BSPH1: variants seen among roughly 807,000 people sequenced by gnomAD.
BSPH1 encodes binder of sperm 1.
Under a neutral mutation model 22.5 loss-of-function variants are expected in BSPH1, and 21 were observed. The observed-to-expected ratio is 0.93, with a 90% CI of 0.66 to 1.35. BSPH1 has a LOEUF of 1.35. Ranked by LOEUF, BSPH1 falls within the 40% of genes most tolerant of loss-of-function variation. BSPH1 has a pLI of 0.00. For missense variants in BSPH1, 141 were observed against 154.2 expected (o/e 0.91, Z 0.45); for synonymous variants, 42 against 53.6 (o/e 0.78, Z 0.95).
In BSPH1 at chr19:47,991,906, C is replaced by G. The variant is rs1449374361; in HGVS notation, c.73+103G>C. The G allele has an allele frequency of 4.3e-6, 3 of 693,852 alleles. No homozygotes were observed. The African/African-American group carries it at 5.4e-5, about 12-fold the overall frequency. 43.0% of individuals were successfully genotyped at this position (693,852 alleles called of 1,614,324 possible). On this transcript the variant is annotated intron_variant, in intron 1 of 5. Coordinates refer to ENST00000344839, the MANE Select transcript of BSPH1 (RefSeq NM_001128326.2). ...TTCCCCTCTTCCCCTTCCTCCTCTT[C>G]TTTCATCTTTCATCCCCACCTTCTC...
At chr19:47,989,989 C>T (rs1441537782) in intron 1 of BSPH1, among the ~76,000 whole-genome samples, 2 of 151,736 alleles carry the variant, frequency 1.3e-5, no homozygotes, top group South Asian at 2.1e-4. Flanking sequence ...CATGGTGGCA[C>T]GTGCCTTTAG....
intron 5 of BSPH1, among the ~76,000 whole-genome samples, chr19:47,969,409 G>A (rs1365394438): frequency 1.3e-5 from 2 of 152,074 alleles, no homozygotes; most frequent in African/African-American, 2.4e-5. Flanking sequence ...TGCTTTTGGG[G>A]TTTAGGAGAT....
At chr19:47,971,197 TTTAA>T (rs903854764) in intron 5 of BSPH1, among the ~76,000 whole-genome samples, 2 of 152,176 alleles carry the variant, frequency 1.3e-5, no homozygotes, top group African/African-American at 4.8e-5. Flanking sequence ...TATTTTATCG[TTTAA>T]TTAATTAATT....
intron 1 of BSPH1, among the ~76,000 whole-genome samples, chr19:47,986,985 T>C (rs533415974): frequency 6.6e-6 from 1 of 152,290 alleles, no homozygotes; most frequent in South Asian, 2.1e-4. Flanking sequence ...CTTTAATCTT[T>C]TCTTGTGACT....
In BSPH1 at chr19:47,976,829, G is replaced by A. The variant is rs1383355779; in HGVS notation, c.282C>T (p.Phe94=). 2 of 1,551,558 alleles carry A rather than the reference G, an allele frequency of 1.3e-6. No individual in the cohort carries two copies. The highest frequency in any genetic ancestry group is 2.4e-5 in the East Asian group (1 of 40,936). Residue 94 remains phenylalanine, a synonymous_variant, in exon 5 of 6, where the codon TTC becomes TTT. Coordinates refer to ENST00000344839, the MANE Select transcript of BSPH1 (RefSeq NM_001128326.2). ...CCCAGTAGATCAAGCGTCTGTACCA[G>A]AAGGGAAATACACAGTTTGCAAAAT... ...AEDFANCVFP[F]WYRRLIYWEC... is the part of the protein sequence containing the mutation.
intron 4 of BSPH1, 109 bp from the exon 5 acceptor site, chr19:47,976,963 G>A (rs1969371133): frequency 1.2e-5 from 12 of 1,031,604 alleles, no homozygotes; most frequent in East Asian, 5.2e-5. Context: ...GTGCATGCAC[G>A]TGAACAAATG....
At chr19:47,983,071 T>C (rs767853491) in intron 1 of BSPH1, among the ~76,000 whole-genome samples, 8 of 152,188 alleles carry the variant, frequency 5.3e-5, no homozygotes, top group Non-Finnish European at 8.8e-5. Context: ...AACTGTGCAC[T>C]GGTTCCAGTA....
At chr19:47,968,681 T>TAA (rs71181616) in intron 5 of BSPH1, among the ~76,000 whole-genome samples, 11,646 of 92,094 alleles carry the variant, frequency 0.13, 1,234 homozygotes, top group African/African-American at 0.27. Flanking sequence ...GACCCTGTCT[T>TAA]AAAAAAAAAA....
intron 5 of BSPH1, among the ~76,000 whole-genome samples, chr19:47,973,233 T>A (rs1335576969): frequency 1.1e-4 from 13 of 116,418 alleles, no homozygotes; most frequent in African/African-American, 4.4e-4. Context: ...ATAATAATAA[T>A]AATAATAATA....
chr19:47,979,712 G>A (rs1969400594), intron 2 of BSPH1, 113 bp from the exon 3 acceptor site: 2 of 477,196 alleles, frequency 4.2e-6, no homozygotes, highest in East Asian at 3.7e-5. Context: ...AAGTGATATT[G>A]TTATGGCATT....
chr19:47,988,320 T>G (rs1483292280), intron 1 of BSPH1, among the ~76,000 whole-genome samples: 1 of 152,180 alleles, frequency 6.6e-6, no homozygotes, highest in Non-Finnish European at 1.5e-5. Context: ...GCGTCACGCA[T>G]GCTAACCCAT....
At chr19:47,973,342 C>T (rs1353063189) in intron 5 of BSPH1, among the ~76,000 whole-genome samples, 1 of 151,946 alleles carries the variant, frequency 6.6e-6, no homozygotes, top group Non-Finnish European at 1.5e-5. Flanking sequence ...ATTTTACTCA[C>T]TTCTAGGGAA....
intron 5 of BSPH1, among the ~76,000 whole-genome samples, chr19:47,971,182 C>A (rs922310862): frequency 3.9e-5 from 6 of 152,056 alleles, no homozygotes; most frequent in South Asian, 2.1e-4. Flanking sequence ...GCCACTAATT[C>A]TCTGTATTTT....
At chr19:47,984,714 A>G (rs1969452690) in intron 1 of BSPH1, among the ~76,000 whole-genome samples, 2 of 152,144 alleles carry the variant, frequency 1.3e-5, no homozygotes, top group Admixed American at 1.3e-4. Flanking sequence ...ACAGGGACAC[A>G]AAGATGGGAA....
intron 3 of BSPH1, 141 bp downstream of exon 3, chr19:47,979,429 C>A: frequency 4.2e-6 from 2 of 479,202 alleles, no homozygotes; most frequent in Non-Finnish European, 3.8e-6. Context: ...TTTTCTTTAT[C>A]TGTTTATGAG....
intron 5 of BSPH1, among the ~76,000 whole-genome samples, chr19:47,969,917 G>A (rs1044127981): frequency 6.7e-6 from 1 of 149,548 alleles, no homozygotes; most frequent in South Asian, 2.1e-4. Context: ...TAGAATTTAT[G>A]TTTGTGAGAG....
chr19:47,978,319 G>A (rs1969387730), intron 3 of BSPH1, among the ~76,000 whole-genome samples: 1 of 151,890 alleles, frequency 6.6e-6, no homozygotes, highest in Non-Finnish European at 1.5e-5. Flanking sequence ...TGGCCAGGGT[G>A]GTCTCAAACT....
rs947685004 is a variant in BSPH1 at position 47,973,110 on chromosome 19, G to C, written c.*2+3600C>G. On this transcript the variant is annotated intron_variant, in intron 5 of 5. Transcript: ENST00000344839. ...CGGGCGCCTGTAGTCCCAGCTTCTCGGGAGGCTGAGGCAGGAGAATGGTGT... is the reference window on the plus strand; with the variant it reads ...CGGGCGCCTGTAGTCCCAGCTTCTCCGGAGGCTGAGGCAGGAGAATGGTGT... Among the ~76,000 whole-genome samples, 6 of 151,440 alleles carry C rather than the reference G, an allele frequency of 4.0e-5. No individual in the cohort carries two copies. The South Asian group carries it at 1.0e-3, about 26-fold the overall frequency.
intron 5 of BSPH1, 42 bp downstream of exon 5, chr19:47,976,668 A>G: frequency 6.6e-7 from 1 of 1,520,040 alleles, no homozygotes; most frequent in Non-Finnish European, 8.9e-7. Context: ...TTCCAAGGAG[A>G]ATGATTAAAC....
Sources: allele counts gnomAD v4.1 joint callset (sites outside exome capture counted in the v4.1 genomes callset), GRCh38; gene constraint gnomAD v4.1.1; transcripts MANE v1.5; gene names NCBI Gene and HGNC (gene_info 2026-07-23, HGNC 2026-07-21).